Variants in GDA observed in about 807,000 individuals in gnomAD.
The protein encoded by GDA is guanine deaminase, also known as cytoplasmic PSD-95 interactor.
GDA carries 18 observed loss-of-function variants against 59.6 expected under a neutral mutation model. That is an observed-to-expected ratio of 0.30 (90% confidence interval 0.21 to 0.45). The LOEUF (loss-of-function observed/expected upper bound fraction) is 0.45, where lower values mean the gene tolerates loss of function less well. GDA is among the 20% of genes least tolerant of loss of function. The pLI, the probability that GDA is intolerant of heterozygous loss-of-function variation, is 1.00. For synonymous variants in GDA, 201 were observed against 201.1 expected (o/e 1.00, Z 0.00); for missense variants, 427 against 552.3 (o/e 0.77, Z 2.27).
At chr9:72,227,521 G>GT (rs1459749901) in intron 8 of GDA, among the ~76,000 whole-genome samples, 1 of 149,656 alleles carries the variant, frequency 6.7e-6, no homozygotes, top group Non-Finnish European at 1.5e-5. Flanking sequence ...GTTCTAGAAA[G>GT]TTTTTTTAGA....
At chr9:72,184,164 C>T (rs1349197514) in intron 1 of GDA, among the ~76,000 whole-genome samples, 1 of 152,142 alleles carries the variant, frequency 6.6e-6, no homozygotes, top group African/African-American at 2.4e-5. Flanking sequence ...CAATATCCCC[C>T]ACCAGAATGC....
intron 9 of GDA, among the ~76,000 whole-genome samples, chr9:72,230,093 C>T (rs767588508): frequency 6.6e-6 from 1 of 152,102 alleles, no homozygotes; most frequent in Non-Finnish European, 1.5e-5. Flanking sequence ...ATGTATGCAC[C>T]AGGGCTTTCA....
intron 1 of GDA, among the ~76,000 whole-genome samples, chr9:72,174,112 C>T (rs1587474400): frequency 3.3e-5 from 5 of 152,162 alleles, no homozygotes; most frequent in African/African-American, 1.2e-4. Context: ...CTTAGCATGA[C>T]ACTTCAAGGT....
intron 2 of GDA, among the ~76,000 whole-genome samples, chr9:72,198,846 G>GATATATATATATATAT (rs141544036): frequency 0.037 from 4,723 of 128,398 alleles, 386 homozygotes; most frequent in East Asian, 0.3. Context: ...TATATAGGGG[G>GATATATATATATATAT]ATATATATAT....
downstream of GDA, among the ~76,000 whole-genome samples, chr9:72,255,180 G>A (rs564144946): frequency 2.0e-5 from 3 of 152,176 alleles, no homozygotes; most frequent in Admixed American, 6.5e-5. Flanking sequence ...CTTGGCAGCT[G>A]TATTTATACT....
At chr9:72,180,834 T>C (rs1024359396) in intron 1 of GDA, among the ~76,000 whole-genome samples, 8 of 152,236 alleles carry the variant, frequency 5.3e-5, no homozygotes, top group African/African-American at 1.9e-4. Flanking sequence ...TTCAAGTATA[T>C]TCAAGGGTTG....
chr9:72,212,268 G>T (rs1835472184), intron 4 of GDA, among the ~76,000 whole-genome samples: 1 of 152,128 alleles, frequency 6.6e-6, no homozygotes, highest in Non-Finnish European at 1.5e-5. Context: ...GGATCATGAG[G>T]TCGGGAGATT....
intron 1 of GDA, among the ~76,000 whole-genome samples, chr9:72,125,269 AG>A (rs1825804314): frequency 6.6e-6 from 1 of 151,806 alleles, no homozygotes; most frequent in Admixed American, 6.6e-5. Flanking sequence ...AGGCCAGAGA[AG>A]GATCCTTCCT....
chr9:72,135,837 C>T (rs1826204343), intron 1 of GDA, among the ~76,000 whole-genome samples: 1 of 151,930 alleles, frequency 6.6e-6, no homozygotes, highest in Non-Finnish European at 1.5e-5. Flanking sequence ...TCTTGAACTC[C>T]TGACGTCAGG....
In GDA at chr9:72,149,559, C is replaced by G; in HGVS notation, c.-1C>G. The G allele has an allele frequency of 3.1e-6, 5 of 1,610,836 alleles. No individual in the cohort carries two copies. Among genetic ancestry groups the G allele is most frequent in the Non-Finnish European group, 4.2e-6 (5 of 1,179,184 alleles). On this transcript the variant is annotated 5_prime_UTR_variant, in exon 1 of 14. Coordinates refer to ENST00000358399, the MANE Select transcript of GDA (RefSeq NM_004293.5). ...GACCCGCGCTGCGCTCCGCCGCTGA[C>G]ATGTGTGCCGCTCAGATGCCGCCCC...
intron 10 of GDA, among the ~76,000 whole-genome samples, chr9:72,236,408 C>T (rs1237387274): frequency 6.6e-6 from 1 of 152,166 alleles, no homozygotes; most frequent in Non-Finnish European, 1.5e-5. Flanking sequence ...AAACTTTCTA[C>T]CCCAACTTCT....
chr9:72,138,094 A>G (rs1329721126), intron 1 of GDA, among the ~76,000 whole-genome samples: 1 of 152,102 alleles, frequency 6.6e-6, no homozygotes, highest in Non-Finnish European at 1.5e-5. Flanking sequence ...AGCTGCAGGC[A>G]TACCCCCGAG....
intron 1 of GDA, among the ~76,000 whole-genome samples, chr9:72,118,327 A>C (rs941098169): frequency 6.6e-6 from 1 of 151,932 alleles, no homozygotes; most frequent in Admixed American, 6.6e-5. Context: ...CAAAGAAAGA[A>C]AATTAATTCC....
intron 1 of GDA, among the ~76,000 whole-genome samples, chr9:72,169,828 G>C (rs1295289369): frequency 6.6e-6 from 1 of 152,208 alleles, no homozygotes. Context: ...CAGGGGAACT[G>C]GGAATGGTTT....
intron 6 of GDA, among the ~76,000 whole-genome samples, chr9:72,220,937 C>T (rs1836776064): frequency 6.6e-6 from 1 of 152,196 alleles, no homozygotes; most frequent in African/African-American, 2.4e-5. Flanking sequence ...AACAGGCTGG[C>T]ATGTGGCTCT....
chr9:72,143,908 A>G (rs1027638168), intron 1 of GDA, among the ~76,000 whole-genome samples: 4 of 152,304 alleles, frequency 2.6e-5, no homozygotes, highest in Non-Finnish European at 4.4e-5. Context: ...TTCAAGAGTA[A>G]TATAGGAGCT....
intron 1 of GDA, among the ~76,000 whole-genome samples, chr9:72,137,938 T>A (rs1826301696): frequency 6.6e-6 from 1 of 152,168 alleles, no homozygotes; most frequent in South Asian, 2.1e-4. Flanking sequence ...CTGGCCGAGT[T>A]AGGTCAACGC....
intron 2 of GDA, among the ~76,000 whole-genome samples, chr9:72,196,217 A>G (rs1833151897): frequency 1.3e-5 from 2 of 152,056 alleles, no homozygotes; most frequent in Non-Finnish European, 2.9e-5. Context: ...ATGGTGTCTC[A>G]TACCTGTAAT....
chr9:72,196,256 G>A (rs7863894), intron 2 of GDA, among the ~76,000 whole-genome samples: 52,465 of 151,516 alleles, frequency 0.35, 9,825 homozygotes, highest in East Asian at 0.55. Context: ...CGAGGCGGGT[G>A]GATCACCTGA....
Sources: allele counts gnomAD v4.1 joint callset (sites outside exome capture counted in the v4.1 genomes callset), GRCh38; gene constraint gnomAD v4.1.1; transcripts MANE v1.5; gene names NCBI Gene and HGNC (gene_info 2026-07-23, HGNC 2026-07-21).